MAD1L1: variants seen among roughly 807,000 people sequenced by gnomAD.
MAD1L1 encodes mitotic arrest deficient 1 like 1.
In MAD1L1, 95 loss-of-function variants were observed where a neutral mutation model predicts 96.9. That is an observed-to-expected ratio of 0.98 (90% CI 0.83 to 1.16). The LOEUF (loss-of-function observed/expected upper bound fraction) is 1.16, where lower values mean the gene tolerates loss of function less well. Ranked by LOEUF, MAD1L1 falls within the 50% of genes most tolerant of loss-of-function variation. MAD1L1 has a pLI of 0.00. For missense variants in MAD1L1, 1,007 were observed against 954.4 expected, an observed-to-expected ratio of 1.06 and a Z score of -0.73; for synonymous variants, 473 against 396.6, an observed-to-expected ratio of 1.19 and a Z score of -2.29.
At position 2,216,597 on chromosome 7, in the gene MAD1L1, G is replaced by A. The variant is rs137860272; in HGVS notation, c.679-310C>T. On this transcript the variant is annotated intron_variant, in intron 7 of 18. Coordinates refer to ENST00000265854, the MANE Select transcript of MAD1L1 (RefSeq NM_001013836.2). Reference sequence around the variant, plus strand: ...CTGTCCCACTCCAAGAGTGACCCTCGCATGACCCGTGGACTCTGCGTGACA... The same window carrying A: ...CTGTCCCACTCCAAGAGTGACCCTCACATGACCCGTGGACTCTGCGTGACA... Among the ~76,000 whole-genome samples, 280 of 152,160 alleles carry A rather than the reference G, an allele frequency of 1.8e-3. 2 individuals carry two copies. The highest frequency in any genetic ancestry group is 6.1e-3 in the African/African-American group (254 of 41,508).
At chr7:2,107,986 C>G (rs953924619) in intron 11 of MAD1L1, among the ~76,000 whole-genome samples, 1 of 152,028 alleles carries the variant, frequency 6.6e-6, no homozygotes, top group Non-Finnish European at 1.5e-5. Flanking sequence ...ACCCCCCCAC[C>G]CCCCACCAAC....
At chr7:1,856,913 T>C (rs552901951) in intron 18 of MAD1L1, among the ~76,000 whole-genome samples, 1 of 152,198 alleles carries the variant, frequency 6.6e-6, no homozygotes, top group South Asian at 2.1e-4. Flanking sequence ...AGGGAGGCCT[T>C]CAGACCGAGC....
intron 10 of MAD1L1, among the ~76,000 whole-genome samples, chr7:2,175,855 TA>T (rs1207581269): frequency 6.6e-6 from 1 of 152,080 alleles, no homozygotes; most frequent in Admixed American, 6.6e-5. Flanking sequence ...AAATAAAGAT[TA>T]AAAACAGATG....
intron 11 of MAD1L1, among the ~76,000 whole-genome samples, chr7:2,074,281 C>T (rs1407181452): frequency 6.6e-6 from 1 of 151,974 alleles, no homozygotes; most frequent in African/African-American, 2.4e-5. Flanking sequence ...ACGGCGGGTG[C>T]AGGTACTGAG....
intron 14 of MAD1L1, among the ~76,000 whole-genome samples, chr7:1,998,593 C>A (rs1781657503): frequency 6.6e-6 from 1 of 152,234 alleles, no homozygotes; most frequent in African/African-American, 2.4e-5. Flanking sequence ...ATCCCTCCAC[C>A]CACCCCAGGC....
At chr7:1,993,415 G>A (rs1048648539) in intron 14 of MAD1L1, among the ~76,000 whole-genome samples, 5 of 152,080 alleles carry the variant, frequency 3.3e-5, no homozygotes, top group Admixed American at 1.3e-4. Flanking sequence ...AAAGTTTACC[G>A]GAAAAAACAT....
chr7:2,041,860 T>C (rs1010925918), intron 12 of MAD1L1, among the ~76,000 whole-genome samples: 9 of 151,946 alleles, frequency 5.9e-5, no homozygotes, highest in Non-Finnish European at 1.0e-4. Context: ...AACACAAAAC[T>C]CACTCAGGTG....
At chr7:1,888,637 G>A (rs1240518252) in intron 18 of MAD1L1, among the ~76,000 whole-genome samples, 1 of 151,838 alleles carries the variant, frequency 6.6e-6, no homozygotes, top group East Asian at 1.9e-4. Context: ...CGTGCATGTG[G>A]ATGCCTGTGT....
At chr7:1,845,434 G>A (rs1329245491) in intron 18 of MAD1L1, 1 of 70,440 alleles carries the variant, frequency 1.4e-5, no homozygotes, top group African/African-American at 5.4e-5. Context: ...TCTGGTTCAC[G>A]GGGAAGAGCG....
At chr7:2,012,234 C>T (rs1346652285) in intron 13 of MAD1L1, among the ~76,000 whole-genome samples, 2 of 152,218 alleles carry the variant, frequency 1.3e-5, no homozygotes, top group Admixed American at 6.5e-5. Flanking sequence ...CAGCCCTGAT[C>T]GCCTTAACAC....
At chr7:2,131,099 G>A (rs1788489269) in intron 11 of MAD1L1, among the ~76,000 whole-genome samples, 1 of 152,190 alleles carries the variant, frequency 6.6e-6, no homozygotes, top group South Asian at 2.1e-4. Context: ...CGGACGCTTT[G>A]GAGTATTTTG....
intron 11 of MAD1L1, among the ~76,000 whole-genome samples, chr7:2,106,491 C>T (rs1192492385): frequency 6.6e-6 from 1 of 152,108 alleles, no homozygotes; most frequent in Non-Finnish European, 1.5e-5. Context: ...GCAGGCTCTC[C>T]GAGGCTCCCT....
intron 15 of MAD1L1, among the ~76,000 whole-genome samples, chr7:1,957,973 C>T (rs113767447): frequency 1.1e-4 from 16 of 152,356 alleles, no homozygotes; most frequent in African/African-American, 3.8e-4. Context: ...AAGTCTCTGT[C>T]GACCACACCT....
intron 10 of MAD1L1, among the ~76,000 whole-genome samples, chr7:2,198,308 A>T (rs1339351571): frequency 6.6e-6 from 1 of 152,044 alleles, no homozygotes; most frequent in Non-Finnish European, 1.5e-5. Flanking sequence ...GCCCCATGGA[A>T]GCCTCCAGGC....
intron 10 of MAD1L1, among the ~76,000 whole-genome samples, chr7:2,207,222 C>A (rs1364172871): frequency 1.3e-5 from 2 of 152,110 alleles, no homozygotes; most frequent in Non-Finnish European, 2.9e-5. Flanking sequence ...GACCACAGTA[C>A]CTTTACGATA....
At chr7:2,217,561 G>A (rs1182502767) in intron 7 of MAD1L1, among the ~76,000 whole-genome samples, 40 of 152,186 alleles carry the variant, frequency 2.6e-4, no homozygotes. Flanking sequence ...CGTCTCCCTG[G>A]CACGTCCTCC....
intron 12 of MAD1L1, among the ~76,000 whole-genome samples, chr7:2,019,399 G>C (rs1412086999): frequency 1.3e-5 from 2 of 152,194 alleles, no homozygotes; most frequent in African/African-American, 4.8e-5. Context: ...AAGCGCCTCG[G>C]AGGACCCACG....
chr7:2,051,206 G>T (rs1398996240), intron 12 of MAD1L1, among the ~76,000 whole-genome samples: 1 of 152,150 alleles, frequency 6.6e-6, no homozygotes, highest in Non-Finnish European at 1.5e-5. Flanking sequence ...TCCCCCCGAG[G>T]CTGGGCTAAA....
rs899773407 is a variant in MAD1L1 at position 1,980,440 on chromosome 7, C to G, written c.1505+13G>C. The G allele has an allele frequency of 6.2e-7, 1 of 1,607,610 alleles. No homozygotes were observed. ...ACACCTGGGCGTGTCCGCCTCCTCTCTGGGGGACGTACCTGAGCGTGTCCG... is the reference window on the plus strand; with the variant it reads ...ACACCTGGGCGTGTCCGCCTCCTCTGTGGGGGACGTACCTGAGCGTGTCCG... On this transcript the variant is annotated intron_variant, in intron 15 of 18. Transcript: ENST00000265854.
Sources: allele counts gnomAD v4.1 joint callset (sites outside exome capture counted in the v4.1 genomes callset), GRCh38; gene constraint gnomAD v4.1.1; transcripts MANE v1.5; gene names NCBI Gene and HGNC (gene_info 2026-07-23, HGNC 2026-07-21).